Variants in HTR2C observed in about 807,000 individuals in gnomAD.
HTR2C encodes the protein 5-hydroxytryptamine (serotonin) receptor 2C, G protein-coupled.
HTR2C carries 5 observed loss-of-function variants against 21.0 expected under a neutral mutation model. The ratio of observed to expected loss-of-function variants is 0.24; its 90% CI spans 0.12 to 0.50. HTR2C has a LOEUF of 0.50. Among genes scored for constraint, HTR2C ranks in the 20% least tolerant of loss-of-function variants. The pLI is 0.98. For missense variants in HTR2C, 271 were observed against 371.2 expected, an observed-to-expected ratio of 0.73 and a Z score of 2.22; for synonymous variants, 150 against 145.3, an observed-to-expected ratio of 1.03 and a Z score of -0.23.
intron 5 of HTR2C, among the ~76,000 whole-genome samples, chrX:114,872,156 C>G (rs1556476735): frequency 9.0e-6 from 1 of 110,567 alleles, no homozygotes; most frequent in Non-Finnish European, 1.9e-5. Context: ...TTCTGCTCCC[C>G]TTCCTCCTCC....
chrX:114,692,556 T>C lies in HTR2C; in HGVS notation c.-79-34302T>C, dbSNP rs376217786. 2.2e-3 allele frequency among the ~76,000 whole-genome samples: 243 copies of C among 111,431 alleles called. 1 individual carries two copies. The highest frequency in any genetic ancestry group is 7.5e-3 in the African/African-American group (231 of 30,794). ...CAGCATCATGAACCAAGTCAGTATCTGAATATATATATTCTTTACATTTTT... is the reference window on the plus strand; with the variant it reads ...CAGCATCATGAACCAAGTCAGTATCCGAATATATATATTCTTTACATTTTT... On this transcript the variant is annotated intron_variant, in intron 2 of 5. Transcript: ENST00000276198.
intron 2 of HTR2C, among the ~76,000 whole-genome samples, chrX:114,650,858 TG>T (rs1243350847): frequency 9.0e-6 from 1 of 111,333 alleles, no homozygotes; most frequent in African/African-American, 3.3e-5. Context: ...AATTGAACAG[TG>T]AGGTAGAGGC....
chrX:114,626,078 C>G (rs1929357874), intron 2 of HTR2C, among the ~76,000 whole-genome samples: 1 of 110,606 alleles, frequency 9.0e-6, no homozygotes, highest in African/African-American at 3.3e-5. Context: ...AATGGATAAC[C>G]AAGGATATGG....
intron 2 of HTR2C, among the ~76,000 whole-genome samples, chrX:114,697,157 C>A (rs1225236712): frequency 4.5e-5 from 5 of 111,908 alleles, no homozygotes; most frequent in Non-Finnish European, 7.5e-5. Context: ...TATTTGTTAG[C>A]CAAAGTCTCA....
At chrX:114,726,423 C>T (rs1556422090) in intron 2 of HTR2C, among the ~76,000 whole-genome samples, 1 of 112,300 alleles carries the variant, frequency 8.9e-6, no homozygotes, top group Non-Finnish European at 1.9e-5. Context: ...TCTGGCACTC[C>T]CTAGTGAGAT....
intron 4 of HTR2C, among the ~76,000 whole-genome samples, chrX:114,835,814 G>GT (rs1239143387): frequency 2.7e-5 from 3 of 110,515 alleles, no homozygotes; most frequent in Non-Finnish European, 5.7e-5. Context: ...TTTCTGTTCT[G>GT]TTTTTTCCCC....
intron 5 of HTR2C, among the ~76,000 whole-genome samples, chrX:114,904,117 C>T (rs2071355711): frequency 9.0e-6 from 1 of 111,693 alleles, no homozygotes; most frequent in Admixed American, 9.5e-5. Context: ...TAGCAGTGGC[C>T]AATCAGTTTT....
chrX:114,846,082 T>G (rs1421503264), intron 4 of HTR2C, among the ~76,000 whole-genome samples: 1 of 111,361 alleles, frequency 9.0e-6, no homozygotes, highest in Non-Finnish European at 1.9e-5. Flanking sequence ...ATAACCTGGA[T>G]GAAATGTAAA....
At chrX:114,647,878 C>T (rs1930418999) in intron 2 of HTR2C, among the ~76,000 whole-genome samples, 2 of 111,722 alleles carry the variant, frequency 1.8e-5, no homozygotes, top group African/African-American at 6.5e-5. Context: ...GGAAACAGTA[C>T]AGTCTGTATT....
intron 5 of HTR2C, among the ~76,000 whole-genome samples, chrX:114,863,322 CA>C (rs1348928406): frequency 9.0e-6 from 1 of 111,230 alleles, no homozygotes; most frequent in Non-Finnish European, 1.9e-5. Flanking sequence ...AGTGTATGAG[CA>C]CTCCCCTTTG....
chrX:114,633,947 T>TATATATATAGAGAGAG (rs201763901), intron 2 of HTR2C, among the ~76,000 whole-genome samples: 1 of 92,195 alleles, frequency 1.1e-5, no homozygotes, highest in Non-Finnish European at 2.1e-5. Flanking sequence ...TATATATATA[T>TATATATATAGAGAGAG]AGAGAGAGAG....
At chrX:114,771,671 A>G (rs1252121100) in intron 4 of HTR2C, among the ~76,000 whole-genome samples, 1 of 111,686 alleles carries the variant, frequency 9.0e-6, no homozygotes, top group East Asian at 2.8e-4. Flanking sequence ...AGAATCCCTT[A>G]TGTTGGTCCT....
In HTR2C at chrX:114,707,060, G is replaced by A. The variant is rs782530001; in HGVS notation, c.-79-19798G>A. On this transcript the variant is annotated intron_variant, in intron 2 of 5. Transcript: ENST00000276198. ...TTTCAATTACTATTGCATATAAAGA[G>A]CAATTATAATCTGTCAATGACTACA... Among the ~76,000 whole-genome samples the A allele has an allele frequency of 7.2e-5, 8 of 111,342 alleles. No homozygotes were observed. The South Asian group carries it at 3.0e-3, about 41-fold the overall frequency.
At chrX:114,617,411 C>T (rs889619507) in intron 2 of HTR2C, among the ~76,000 whole-genome samples, 5 of 111,559 alleles carry the variant, frequency 4.5e-5, no homozygotes, top group Non-Finnish European at 1.9e-5. Context: ...CTACATTCCA[C>T]CTTGGGTGAC....
intron 2 of HTR2C, among the ~76,000 whole-genome samples, chrX:114,622,279 G>A (rs1349204606): frequency 2.7e-5 from 3 of 111,338 alleles, no homozygotes; most frequent in Non-Finnish European, 5.6e-5. Context: ...AAGCTACAGA[G>A]TAGGAATACA....
At chrX:114,787,134 G>A (rs1256830404) in intron 4 of HTR2C, among the ~76,000 whole-genome samples, 1 of 111,598 alleles carries the variant, frequency 9.0e-6, no homozygotes, top group African/African-American at 3.3e-5. Context: ...AGACCCAGAC[G>A]AATCTTTTTC....
At chrX:114,714,966 A>C (rs1556419585) in intron 2 of HTR2C, among the ~76,000 whole-genome samples, 1 of 112,253 alleles carries the variant, frequency 8.9e-6, no homozygotes, top group Non-Finnish European at 1.9e-5. Flanking sequence ...TTCATTATGC[A>C]AATTAATTTT....
intron 4 of HTR2C, among the ~76,000 whole-genome samples, chrX:114,810,825 G>A (rs782447694): frequency 1.5e-4 from 16 of 109,188 alleles, no homozygotes; most frequent in African/African-American, 5.3e-4. Context: ...AATTGCTGGA[G>A]GCTTCTATTC....
intron 4 of HTR2C, among the ~76,000 whole-genome samples, chrX:114,739,874 G>A (rs1184227975): frequency 9.0e-6 from 1 of 110,943 alleles, no homozygotes; most frequent in Non-Finnish European, 1.9e-5. Flanking sequence ...GGGAGGCTGA[G>A]GCAGGTGGAT....
Sources: allele counts gnomAD v4.1 joint callset (sites outside exome capture counted in the v4.1 genomes callset), GRCh38; gene constraint gnomAD v4.1.1; transcripts MANE v1.5; gene names NCBI Gene and HGNC (gene_info 2026-07-23, HGNC 2026-07-21).